Variants in SCAP observed in about 807,000 individuals in gnomAD.
SCAP encodes the protein SREBF chaperone.
Under a neutral mutation model 123.6 loss-of-function variants are expected in SCAP, and 65 were observed. The observed-to-expected ratio is 0.53, with a 90% CI of 0.43 to 0.65. The LOEUF is 0.65. Among genes scored for constraint, SCAP ranks in the 30% least tolerant of loss-of-function variants. The probability of loss-of-function intolerance (pLI) is 0.00; values close to 1 mark genes in which losing one functional copy is unlikely to be tolerated. For synonymous variants in SCAP, 740 were observed against 726.3 expected (o/e 1.02, Z -0.30); for missense variants, 1,398 against 1,712.5 (o/e 0.82, Z 3.24).
intron 10 of SCAP, 134 bp from the exon 11 acceptor site, chr3:47,421,163 T>C (rs1705881923): frequency 1.4e-6 from 1 of 715,572 alleles, no homozygotes; most frequent in Non-Finnish European, 2.5e-6. Flanking sequence ...AGATGAGAGA[T>C]GCTGGTTGGT....
At chr3:47,455,643 C>T (rs200960547) in intron 1 of SCAP, among the ~76,000 whole-genome samples, 2 of 150,912 alleles carry the variant, frequency 1.3e-5, no homozygotes, top group Admixed American at 6.6e-5. Flanking sequence ...TCTGAAACTC[C>T]GAAAGACAGA....
chr3:47,427,675 G>A lies in SCAP; in HGVS notation c.411-8C>T, dbSNP rs367956537. 1.1e-5 allele frequency: 18 copies of A among 1,613,000 alleles called. No individual in the cohort carries two copies. Among genetic ancestry groups the A allele is most frequent in the Non-Finnish European group, 1.4e-5 (17 of 1,179,490 alleles). ...AAGCTCCTGATCCCAGAGCTGCACA[G>A]GAGACAGGACAAGGCACCTGCTGTG... On this transcript the variant is annotated splice_region_variant and splice_polypyrimidine_tract_variant and intron_variant, in intron 4 of 22. Transcript: ENST00000265565.
rs552319605 is a variant in SCAP at position 47,415,821 on chromosome 3, C to T, written c.3057-641G>A. Among the ~76,000 whole-genome samples, 3 of 152,272 alleles carry T rather than the reference C, an allele frequency of 2.0e-5. 1 individual carries two copies. In the Middle Eastern group the frequency reaches 0.01, roughly 518 times the overall value. On this transcript the variant is annotated intron_variant, in intron 18 of 22. Coordinates refer to ENST00000265565, the MANE Select transcript of SCAP (RefSeq NM_012235.4). Reference sequence around the variant, plus strand: ...ACCTCTGCCCATGAATTTGAAGGGCCTGCACCAGAGCTGGGGAAGCCAGTT... The same window carrying T: ...ACCTCTGCCCATGAATTTGAAGGGCTTGCACCAGAGCTGGGGAAGCCAGTT...
intron 1 of SCAP, among the ~76,000 whole-genome samples, chr3:47,465,814 T>G (rs1194694355): frequency 1.4e-5 from 2 of 141,212 alleles, no homozygotes; most frequent in African/African-American, 2.5e-5. Context: ...AACGTGGGAT[T>G]TCTTTCCATT....
At chr3:47,427,750 G>A (rs1706201212) in intron 4 of SCAP, 83 bp from the exon 5 acceptor site, 2 of 1,181,474 alleles carry the variant, frequency 1.7e-6, no homozygotes, top group Non-Finnish European at 2.4e-6. Context: ...TCCTCTGTCT[G>A]TTCTTCAATG....
intron 6 of SCAP, 50 bp from the exon 7 acceptor site, chr3:47,426,219 G>A: frequency 6.4e-7 from 1 of 1,570,182 alleles, no homozygotes; most frequent in African/African-American, 1.4e-5. Context: ...TCTTGGTTCT[G>A]GGGACAAAGA....
chr3:47,432,328 A>G (rs1232248395), intron 3 of SCAP, among the ~76,000 whole-genome samples: 5 of 151,652 alleles, frequency 3.3e-5, no homozygotes, highest in African/African-American at 7.3e-5. Context: ...AAAAAAAAAA[A>G]AAAAGAAAAG....
chr3:47,432,512 T>C (rs960701944), intron 3 of SCAP, among the ~76,000 whole-genome samples: 1 of 152,062 alleles, frequency 6.6e-6, no homozygotes, highest in Admixed American at 6.5e-5. Flanking sequence ...TGAGCCTCTA[T>C]CTGTCCCCCA....
At chr3:47,428,220 C>T (rs979276719) in intron 4 of SCAP, among the ~76,000 whole-genome samples, 2 of 152,122 alleles carry the variant, frequency 1.3e-5, no homozygotes, top group African/African-American at 2.4e-5. Flanking sequence ...CACCATAACC[C>T]ACAGGCAGGA....
intron 1 of SCAP, chr3:47,475,356 G>A (rs1422820121): frequency 6.6e-6 from 1 of 152,290 alleles, no homozygotes; most frequent in African/African-American, 2.4e-5. Context: ...TAGAAACCAA[G>A]CAAAACCAGC....
At chr3:47,415,047 C>T (rs540785252) in intron 19 of SCAP, 51 bp downstream of exon 19, 10 of 1,580,568 alleles carry the variant, frequency 6.3e-6, no homozygotes, top group African/African-American at 5.4e-5. Context: ...GGTAGACGGC[C>T]CCTGCCCGTC....
rs373022065 is a variant in SCAP, at chr3:47,435,083, G to A, written c.177C>T (p.Thr59=). Residue 59 remains threonine (T), a synonymous_variant, in exon 3 of 23, where the codon ACC becomes ACT. Coordinates refer to ENST00000265565, the MANE Select transcript of SCAP (RefSeq NM_012235.4). The stretch of plus-strand genomic sequence containing the variant: ...GTGGGGGCGAGTAATCCTTCACAGG[G>A]GTGGTGAATTCCACAGGTCCTGTTC... The part of the protein sequence containing the change: ...LPGTGPVEFT[T]PVKDYSPPPV... The A allele has an allele frequency of 9.3e-6, 15 of 1,613,980 alleles. No homozygotes were observed. Among genetic ancestry groups the A allele is most frequent in the East Asian group, 6.7e-5 (3 of 44,890 alleles).
intron 2 of SCAP, among the ~76,000 whole-genome samples, chr3:47,435,504 ACACAC>A (rs1706542311): frequency 1.3e-5 from 2 of 151,254 alleles, no homozygotes; most frequent in Non-Finnish European, 3.0e-5. Flanking sequence ...ACACACACAC[ACACAC>A]ACACACACAG....
chr3:47,473,086 A>AAAAAAAACAAAAAAAAAAAC (rs1708123772), intron 1 of SCAP, among the ~76,000 whole-genome samples: 1 of 143,964 alleles, frequency 6.9e-6, no homozygotes, highest in Admixed American at 7.1e-5. Context: ...ATCTCAAAAA[A>AAAAAAAACAAAAAAAAAAAC]AAAAAAAAAA....
chr3:47,422,151 T>TGA lies in SCAP; in HGVS notation c.1245+290_1245+291insTC, dbSNP rs1705931040. Among the ~76,000 whole-genome samples, 5 of 152,368 alleles carry TGA rather than the reference T, an allele frequency of 3.3e-5. No homozygotes were observed. In the South Asian group the frequency reaches 1.0e-3, roughly 32 times the overall value. ...GCCCTTGCAGCCTCCTCCTGCCACT[T>TGA]GGCTGAAAGGGAAGCAGGCAGGGAG... On this transcript the variant is annotated intron_variant, in intron 10 of 22. Coordinates refer to ENST00000265565, the MANE Select transcript of SCAP (RefSeq NM_012235.4).
At chr3:47,468,585 A>G (rs1707920097) in intron 1 of SCAP, among the ~76,000 whole-genome samples, 1 of 152,034 alleles carries the variant, frequency 6.6e-6, no homozygotes, top group Non-Finnish European at 1.5e-5. Flanking sequence ...TTTCTTGTAA[A>G]TCTGTTTAAG....
chr3:47,429,113 A>C, intron 3 of SCAP: 1 of 164,958 alleles, frequency 6.1e-6, no homozygotes. Context: ...CCACCCTCTA[A>C]ACCTTTCCTA....
At chr3:47,426,294 T>G in intron 6 of SCAP, 125 bp from the exon 7 acceptor site, 34 of 952,720 alleles carry the variant, frequency 3.6e-5, no homozygotes, top group Non-Finnish European at 4.9e-5. Context: ...GGAACTTCTC[T>G]ATGGTGCCTG....
At chr3:47,432,920 G>C (rs1233422232) in intron 3 of SCAP, among the ~76,000 whole-genome samples, 1 of 152,224 alleles carries the variant, frequency 6.6e-6, no homozygotes. Flanking sequence ...CATAGGGCTT[G>C]GGAAGGGGAC....
Sources: allele counts gnomAD v4.1 joint callset (sites outside exome capture counted in the v4.1 genomes callset), GRCh38; gene constraint gnomAD v4.1.1; transcripts MANE v1.5; gene names NCBI Gene and HGNC (gene_info 2026-07-23, HGNC 2026-07-21).